MIA2: variants seen among roughly 807,000 people sequenced by gnomAD.
The protein encoded by MIA2 is MIA SH3 domain ER export factor 2, also known as melanoma inhibitory activity protein 2.
MIA2 carries 127 observed loss-of-function variants against 167.8 expected under a neutral mutation model. The observed-to-expected ratio is 0.76, with a 90% CI of 0.66 to 0.88. The LOEUF (loss-of-function observed/expected upper bound fraction) is 0.88, where lower values mean the gene tolerates loss of function less well. MIA2 is among the 40% of genes least tolerant of loss of function. The probability of loss-of-function intolerance (pLI) is 0.00; values close to 1 mark genes in which losing one functional copy is unlikely to be tolerated. For missense variants in MIA2, 1,690 were observed against 1,624.7 expected, an observed-to-expected ratio of 1.04 and a Z score of -0.69; for synonymous variants, 552 against 541.9, an observed-to-expected ratio of 1.02 and a Z score of -0.26.
intron 23 of MIA2, among the ~76,000 whole-genome samples, chr14:39,367,826 GGT>G (rs2074854971): frequency 1.2e-5 from 1 of 83,694 alleles, no homozygotes; most frequent in Admixed American, 1.0e-4. Flanking sequence ...TATTGTCGTC[GGT>G]TTTTTTTTCC....
intron 6 of MIA2, among the ~76,000 whole-genome samples, chr14:39,271,252 T>C (rs2057093697): frequency 6.6e-6 from 1 of 152,236 alleles, no homozygotes. Flanking sequence ...CTTAATACTG[T>C]TGAAAATAAT....
chr14:39,381,334 G>C (rs569477947), intron 23 of MIA2, among the ~76,000 whole-genome samples: 81 of 152,202 alleles, frequency 5.3e-4, no homozygotes, highest in African/African-American at 1.7e-3. Flanking sequence ...AAGCATAAAG[G>C]CCTTTTAAAT....
chr14:39,286,874 TG>T, intron 9 of MIA2, among the ~76,000 whole-genome samples: 1 of 141,588 alleles, frequency 7.1e-6, no homozygotes. Flanking sequence ...TCTGTGTGTG[TG>T]TGTGTGTGTG....
intron 25 of MIA2, among the ~76,000 whole-genome samples, chr14:39,342,424 G>A (rs1208454407): frequency 6.6e-6 from 1 of 152,090 alleles, no homozygotes; most frequent in Non-Finnish European, 1.5e-5. Flanking sequence ...TTGGACATTT[G>A]GGTTGGTTCC....
chr14:39,322,848 G>A (rs564619958), intron 24 of MIA2, among the ~76,000 whole-genome samples: 12 of 152,096 alleles, frequency 7.9e-5, no homozygotes, highest in Non-Finnish European at 1.5e-4. Flanking sequence ...TTCCAAGTAT[G>A]TGTTTTATAA....
At chr14:39,295,362 A>C (rs1339593564) in intron 13 of MIA2, among the ~76,000 whole-genome samples, 2 of 152,162 alleles carry the variant, frequency 1.3e-5, no homozygotes, top group African/African-American at 2.4e-5. Flanking sequence ...AAAGATAGAA[A>C]CAATTCTGGT....
intron 23 of MIA2, among the ~76,000 whole-genome samples, chr14:39,369,282 A>G (rs2074887715): frequency 6.6e-6 from 1 of 152,182 alleles, no homozygotes; most frequent in Non-Finnish European, 1.5e-5. Flanking sequence ...GTCACACTAG[A>G]AGCCCTTGCT....
chr14:39,306,511 G>C (rs1337268234), intron 17 of MIA2, among the ~76,000 whole-genome samples: 1 of 152,102 alleles, frequency 6.6e-6, no homozygotes, highest in Admixed American at 6.5e-5. Flanking sequence ...TAGGAGGATG[G>C]TGATAAACCA....
intron 6 of MIA2, among the ~76,000 whole-genome samples, chr14:39,259,839 T>A: frequency 6.6e-6 from 1 of 151,796 alleles, no homozygotes; most frequent in East Asian, 1.9e-4. Context: ...GTATCTCTCC[T>A]AATGCTATCC....
At chr14:39,354,821 C>T (rs1331649374), downstream of MIA2, among the ~76,000 whole-genome samples, 4 of 152,118 alleles carry the variant, frequency 2.6e-5, 1 homozygote, top group African/African-American at 9.7e-5. Flanking sequence ...ATAGAGAATC[C>T]TTTCCCCATT....
rs1345903750 is a variant in MIA2, at chr14:39,265,846, TAC to T, written c.1888-11084_1888-11083del. ...TAATGAACTATTCACATAATTTTAATACACAGTGTCTAACACGTATGAAAGTT... is the reference window on the plus strand; with the variant it reads ...TAATGAACTATTCACATAATTTTAATACAGTGTCTAACACGTATGAAAGTT... On this transcript the variant is annotated intron_variant, in intron 6 of 28. Coordinates refer to ENST00000640607, the MANE Select transcript of MIA2 (RefSeq NM_001329214.4). 7.4e-5 allele frequency: 24 copies of T among 324,208 alleles called. No homozygotes were observed. The East Asian group carries it at 2.2e-3, about 29-fold the overall frequency. 20.1% of individuals were successfully genotyped at this position (324,208 alleles called of 1,614,324 possible).
At chr14:39,347,515 T>TG in intron 26 of MIA2, 198 bp from the exon 27 acceptor site, 2 of 563,610 alleles carry the variant, frequency 3.5e-6, no homozygotes, top group Non-Finnish European at 6.3e-6. Context: ...AATTGCCACA[T>TG]GCCATCATAG....
intron 4 of MIA2, 132 bp downstream of exon 4, chr14:39,248,273 G>A: frequency 1.6e-6 from 1 of 623,304 alleles, no homozygotes; most frequent in East Asian, 3.9e-5. Context: ...TCAATTTCCA[G>A]TTTACTCTGG....
downstream of MIA2, among the ~76,000 whole-genome samples, chr14:39,352,103 A>G (rs2074402956): frequency 6.6e-6 from 1 of 151,460 alleles, no homozygotes; most frequent in Non-Finnish European, 1.5e-5. Context: ...TCCCCTTCTT[A>G]CTGTTCCGAT....
At chr14:39,315,998 C>G (rs2065347528) in intron 21 of MIA2, among the ~76,000 whole-genome samples, 1 of 152,122 alleles carries the variant, frequency 6.6e-6, no homozygotes, top group Non-Finnish European at 1.5e-5. Context: ...ACTGATTGTT[C>G]CAGGGCACTG....
chr14:39,350,467 T>G lies in MIA2; in HGVS notation c.*203T>G. 2.4e-6 allele frequency: 1 copy of G among 417,624 alleles called. No individual in the cohort carries two copies. Among genetic ancestry groups the G allele is most frequent in the Non-Finnish European group, 4.3e-6 (1 of 234,648 alleles). The allele number at this position is 417,624 out of a possible 1,614,324, so 25.9% of individuals were successfully genotyped here. On this transcript the variant is annotated 3_prime_UTR_variant, in exon 29 of 29. Coordinates refer to ENST00000640607, the MANE Select transcript of MIA2 (RefSeq NM_001329214.4). ...TCAATTTTATTTTAGACGGTATAAC[T>G]ATTTCAATTTGATTAATCCACTATT...
At chr14:39,348,429 C>CT (rs1435485818) in intron 27 of MIA2, among the ~76,000 whole-genome samples, 1 of 151,828 alleles carries the variant, frequency 6.6e-6, no homozygotes, top group African/African-American at 2.4e-5. Flanking sequence ...TTTGCTTTTT[C>CT]TTTTTTTCCA....
At chr14:39,333,806 C>T (rs967954709) in intron 25 of MIA2, among the ~76,000 whole-genome samples, 13 of 152,112 alleles carry the variant, frequency 8.5e-5, no homozygotes, top group Admixed American at 8.5e-4. Context: ...CTCTACCATA[C>T]TAGAAATGGA....
intron 18 of MIA2, among the ~76,000 whole-genome samples, chr14:39,310,869 G>GT (rs2064124630): frequency 6.6e-6 from 1 of 152,144 alleles, no homozygotes; most frequent in African/African-American, 2.4e-5. Context: ...GAGACTAAAC[G>GT]TGACAAAATG....
Sources: allele counts gnomAD v4.1 joint callset (sites outside exome capture counted in the v4.1 genomes callset), GRCh38; gene constraint gnomAD v4.1.1; transcripts MANE v1.5; gene names NCBI Gene and HGNC (gene_info 2026-07-23, HGNC 2026-07-21).